The following IGF1R variants were observed in gnomAD, a reference collection of about 807,000 sequenced individuals.
IGF1R encodes insulin-like growth factor 1 receptor.
In IGF1R, 44 loss-of-function variants were observed where a neutral mutation model predicts 144.6. The ratio of observed to expected loss-of-function variants is 0.30; its 90% CI spans 0.24 to 0.39. The LOEUF is 0.39. Among genes scored for constraint, IGF1R ranks in the 10% least tolerant of loss-of-function variants. The probability of loss-of-function intolerance (pLI) is 1.00; values close to 1 mark genes in which losing one functional copy is unlikely to be tolerated. For missense variants in IGF1R, 1,355 were observed against 1,833.7 expected, an observed-to-expected ratio of 0.74 and a Z score of 4.77; for synonymous variants, 795 against 722.8, an observed-to-expected ratio of 1.10 and a Z score of -1.60.
At chr15:98,918,866 G>A (rs1211789994) in intron 10 of IGF1R, among the ~76,000 whole-genome samples, 5 of 151,922 alleles carry the variant, frequency 3.3e-5, no homozygotes, top group African/African-American at 7.2e-5. Context: ...ACAACAGAAC[G>A]AGACTCCATC....
chr15:98,709,592 T>C (rs747633380), intron 2 of IGF1R, among the ~76,000 whole-genome samples: 3 of 152,188 alleles, frequency 2.0e-5, no homozygotes, highest in Non-Finnish European at 4.4e-5. Flanking sequence ...AACCTTGACA[T>C]TTAAAAATTT....
At chr15:98,658,301 A>G (rs2052530486) in intron 1 of IGF1R, among the ~76,000 whole-genome samples, 1 of 152,210 alleles carries the variant, frequency 6.6e-6, no homozygotes. Flanking sequence ...CCGCTTAAGA[A>G]CACAGGAAGG....
At chr15:98,874,328 G>C (rs987741204) in intron 2 of IGF1R, among the ~76,000 whole-genome samples, 19 of 152,182 alleles carry the variant, frequency 1.2e-4, no homozygotes, top group African/African-American at 4.6e-4. Context: ...ACTTAGACTA[G>C]CAGAAGTCTG....
At chr15:98,680,906 C>A (rs2141213624) in intron 1 of IGF1R, among the ~76,000 whole-genome samples, 1 of 143,536 alleles carries the variant, frequency 7.0e-6, no homozygotes, top group South Asian at 2.2e-4. Context: ...TTTTATTGTA[C>A]CTTTTCTATG....
chr15:98,830,088 C>T (rs145912497), intron 2 of IGF1R, among the ~76,000 whole-genome samples: 3 of 152,204 alleles, frequency 2.0e-5, no homozygotes, highest in Non-Finnish European at 2.9e-5. Flanking sequence ...TGTGTCCCAA[C>T]CTGGAATCTC....
At chr15:98,768,414 A>C (rs999766190) in intron 2 of IGF1R, among the ~76,000 whole-genome samples, 1 of 151,630 alleles carries the variant, frequency 6.6e-6, no homozygotes, top group African/African-American at 2.4e-5. Context: ...CAGGAGATCG[A>C]GACCATCCTG....
chr15:98,732,483 G>C (rs751163274), intron 2 of IGF1R, among the ~76,000 whole-genome samples: 47 of 152,296 alleles, frequency 3.1e-4, no homozygotes, highest in Non-Finnish European at 6.5e-4. Context: ...GTTTCCTGAA[G>C]GGTCTCTGGC....
At chr15:98,923,756 C>T (rs575852036) in intron 11 of IGF1R, 120 bp from the exon 12 acceptor site, 60 of 811,986 alleles carry the variant, frequency 7.4e-5, no homozygotes, top group African/African-American at 3.7e-4. Context: ...TCTCAGTGTA[C>T]GTGGCTGATC....
At chr15:98,780,080 C>T (rs903471175) in intron 2 of IGF1R, among the ~76,000 whole-genome samples, 1 of 149,848 alleles carries the variant, frequency 6.7e-6, no homozygotes, top group Non-Finnish European at 1.5e-5. Flanking sequence ...AAGAATGGAG[C>T]CAGGTGGCTA....
intron 2 of IGF1R, among the ~76,000 whole-genome samples, chr15:98,777,760 T>A (rs1227960153): frequency 6.6e-6 from 1 of 152,178 alleles, no homozygotes; most frequent in East Asian, 1.9e-4. Context: ...CACACAGATG[T>A]AAGATGAGGT....
chr15:98,678,805 G>C (rs1012854804), intron 1 of IGF1R, among the ~76,000 whole-genome samples: 10 of 152,250 alleles, frequency 6.6e-5, no homozygotes, highest in African/African-American at 2.4e-4. Context: ...ATTAACAGGT[G>C]TGAGCCACCA....
chr15:98,801,670 C>T (rs1193571476), intron 2 of IGF1R, among the ~76,000 whole-genome samples: 1 of 152,234 alleles, frequency 6.6e-6, no homozygotes, highest in East Asian at 1.9e-4. Context: ...GAAGAGCATT[C>T]TGCATGAGGC....
At chr15:98,795,473 G>A (rs1420467923) in intron 2 of IGF1R, among the ~76,000 whole-genome samples, 1 of 152,074 alleles carries the variant, frequency 6.6e-6, no homozygotes, top group Non-Finnish European at 1.5e-5. Flanking sequence ...GGAGTGCAGT[G>A]GCATGATCTC....
At chr15:98,947,012 A>G (rs1596480328) in intron 19 of IGF1R, among the ~76,000 whole-genome samples, 1 of 152,224 alleles carries the variant, frequency 6.6e-6, no homozygotes, top group Non-Finnish European at 1.5e-5. Flanking sequence ...TGTGGGTACT[A>G]CTGCCACTGG....
chr15:98,871,438 A>G (rs1167291416), intron 2 of IGF1R, among the ~76,000 whole-genome samples: 1 of 152,228 alleles, frequency 6.6e-6, no homozygotes, highest in Non-Finnish European at 1.5e-5. Flanking sequence ...GGTTGTAGGA[A>G]GTCTTTTCCT....
intron 2 of IGF1R, among the ~76,000 whole-genome samples, chr15:98,808,813 A>G (rs2056523243): frequency 6.6e-6 from 1 of 151,850 alleles, no homozygotes; most frequent in Non-Finnish European, 1.5e-5. Flanking sequence ...CCGAGTAGCT[A>G]GGACTACAGG....
chr15:98,946,479 G>T (rs1482503348), intron 19 of IGF1R, among the ~76,000 whole-genome samples: 5 of 152,154 alleles, frequency 3.3e-5, no homozygotes, highest in Non-Finnish European at 5.9e-5. Flanking sequence ...AGGAGAGGTG[G>T]TGGTGGGCCA....
At chr15:98,926,573 T>A (rs1323916415) in intron 13 of IGF1R, among the ~76,000 whole-genome samples, 1 of 152,242 alleles carries the variant, frequency 6.6e-6, no homozygotes, top group Non-Finnish European at 1.5e-5. Context: ...TATACAATTT[T>A]TATTTGTATA....
rs1310197932 is a variant in IGF1R at position 98,963,750 on chromosome 15, TTTTA to T, written c.*6313_*6316del. On this transcript the variant is annotated 3_prime_UTR_variant, in exon 21 of 21. Coordinates refer to ENST00000650285, the MANE Select transcript of IGF1R (RefSeq NM_000875.5). ...TTGTTAGAACACAGAAGAGACCCTA[TTTTA>T]TTTAAGGCAGAACCCCGAAGATACG... The T allele has an allele frequency of 4.3e-6, 1 of 233,034 alleles. No homozygotes were observed. Among genetic ancestry groups the T allele is most frequent in the Non-Finnish European group, 8.5e-6 (1 of 117,950 alleles). The allele number at this position is 233,034 out of a possible 1,614,324, so 14.4% of individuals were successfully genotyped here.
Sources: gnomAD v4.1 joint callset for allele counts (sites outside exome capture counted in the v4.1 genomes callset) on GRCh38, gnomAD v4.1.1 for gene constraint, MANE v1.5 for transcripts, NCBI Gene and HGNC (gene_info 2026-07-23, HGNC 2026-07-21) for gene names.